Variants in MYO1E observed in about 807,000 individuals in gnomAD.
MYO1E encodes myosin IE.
A neutral mutation model predicts 151.1 loss-of-function variants in MYO1E; 68 were observed. That is an observed-to-expected ratio of 0.45 (90% CI 0.37 to 0.55). The LOEUF (loss-of-function observed/expected upper bound fraction) is 0.55. Among genes scored for constraint, MYO1E ranks in the 20% least tolerant of loss-of-function variants. The pLI, the probability that MYO1E is intolerant of heterozygous loss-of-function variation, is 0.00. For missense variants in MYO1E, 1,363 were observed against 1,389.3 expected, an observed-to-expected ratio of 0.98 and a Z score of 0.30; for synonymous variants, 601 against 501.7, an observed-to-expected ratio of 1.20 and a Z score of -2.64.
Position 59,218,071 on chromosome 15 carries a change from T to G in MYO1E, c.927A>C (p.Ala309=), listed in dbSNP as rs753222111. ...VESEEFLAFP[A]YLLGINQDRL... ...GGTCCTGGTTTATCCCTAGCAGATA[T>G]GCAGGAAAAGCTAAAACTGTAGAAC... Residue 309 remains alanine, a synonymous_variant, in exon 10 of 28, where the codon GCA becomes GCC. Coordinates refer to ENST00000288235, the MANE Select transcript of MYO1E (RefSeq NM_004998.4). 1.2e-6 allele frequency: 2 copies of G among 1,614,204 alleles called. No individual in the cohort carries two copies. Among genetic ancestry groups the G allele is most frequent in the South Asian group, 2.2e-5 (2 of 91,088 alleles).
chr15:59,209,481 G>T (rs1041334844), intron 13 of MYO1E, among the ~76,000 whole-genome samples: 7 of 151,860 alleles, frequency 4.6e-5, no homozygotes, highest in South Asian at 2.1e-4. Context: ...TTCAAGACCA[G>T]CCTGGCCAAC....
chr15:59,302,406 G>A (rs2080488409), intron 1 of MYO1E, among the ~76,000 whole-genome samples: 1 of 152,176 alleles, frequency 6.6e-6, no homozygotes, highest in South Asian at 2.1e-4. Flanking sequence ...GGGTAGACAA[G>A]GCCAGTATTT....
rs143403781 is a variant in MYO1E at position 59,134,516 on chromosome 15, G to A, written c.*2864C>T. On this transcript the variant is annotated 3_prime_UTR_variant, in exon 28 of 28. Transcript: ENST00000288235. ...ATCAGCCTCTCTCTGTCTCACAGAC[G>A]GCCATCAGTAGAGTGGATACCACCC... 2 of 152,294 alleles carry A rather than the reference G, an allele frequency of 1.3e-5. No homozygotes were observed. The highest frequency in any genetic ancestry group is 1.9e-4 in the East Asian group (1 of 5,186). The allele number at this position is 152,294 out of a possible 1,614,324, so 9.4% of individuals were successfully genotyped here.
chr15:59,198,902 T>C (rs2079784487), intron 16 of MYO1E, among the ~76,000 whole-genome samples: 3 of 152,076 alleles, frequency 2.0e-5, no homozygotes, highest in Admixed American at 6.5e-5. Context: ...TCCTCTGTCA[T>C]GTCCCTTATA....
chr15:59,223,287 G>T (rs1313876883), intron 8 of MYO1E, 96 bp from the exon 9 acceptor site: 28 of 1,425,712 alleles, frequency 2.0e-5, no homozygotes, highest in African/African-American at 2.9e-5. Context: ...TCTAAATAAG[G>T]ATGTGACAAG....
chr15:59,188,122 G>A lies in MYO1E; in HGVS notation c.1900C>T (p.Gln634Ter). Residue 634 changes from glutamine (Q) to a stop codon, truncating the protein, a stop_gained, in exon 18 of 28, where the codon CAG becomes TAG. Coordinates refer to ENST00000288235, the MANE Select transcript of MYO1E (RefSeq NM_004998.4). LOFTEE classifies it high-confidence loss of function. ...AYRRIFQKFL[Q>*]RYAILTKATW... The stretch of plus-strand genomic sequence containing the variant: ...CCAGAGTCACTAGTTCATTACCTCT[G>A]TAGGAATTTTTGGAAGATGCGCCGA... 1 of 1,611,896 alleles carries A rather than the reference G, an allele frequency of 6.2e-7. No individual in the cohort carries two copies.
chr15:59,156,128 C>T (rs1402725639), intron 25 of MYO1E, among the ~76,000 whole-genome samples: 3 of 152,188 alleles, frequency 2.0e-5, no homozygotes, highest in African/African-American at 7.2e-5. Context: ...TCCTGAGTAG[C>T]TGGGATTCCA....
intron 1 of MYO1E, among the ~76,000 whole-genome samples, chr15:59,329,432 C>A (rs188152306): frequency 3.9e-5 from 6 of 152,176 alleles, no homozygotes; most frequent in Non-Finnish European, 7.3e-5. Context: ...TACCCAATAG[C>A]AATCCTAAAT....
intron 17 of MYO1E, among the ~76,000 whole-genome samples, chr15:59,193,749 G>C (rs527783093): frequency 6.6e-6 from 1 of 152,298 alleles, no homozygotes; most frequent in South Asian, 2.1e-4. Flanking sequence ...CCTAAAGTAA[G>C]AATTGACCAA....
chr15:59,147,868 C>T lies in MYO1E; in HGVS notation c.3080+5722G>A, dbSNP rs1038667275. 7.2e-4 allele frequency among the ~76,000 whole-genome samples: 110 copies of T among 152,124 alleles called. 1 individual carries two copies. Among genetic ancestry groups the T allele is most frequent in the African/African-American group, 2.6e-3 (108 of 41,500 alleles). On this transcript the variant is annotated intron_variant, in intron 26 of 27. Transcript: ENST00000288235. ...TTGGCTTCCCTAGGCTGCCCATTCC[C>T]CGCATTACAGCCAACAATGCCTGAA...
chr15:59,180,479 T>C (rs2079651781), intron 18 of MYO1E, among the ~76,000 whole-genome samples: 1 of 152,110 alleles, frequency 6.6e-6, no homozygotes, highest in South Asian at 2.1e-4. Flanking sequence ...ATATTTATCG[T>C]GCAACTGGAA....
chr15:59,356,684 C>T (rs894094706), intron 1 of MYO1E, among the ~76,000 whole-genome samples: 2 of 145,414 alleles, frequency 1.4e-5, no homozygotes, highest in African/African-American at 4.9e-5. Flanking sequence ...CTCCAGCAAT[C>T]CTCCCACATA....
At chr15:59,189,967 C>A (rs535203599) in intron 17 of MYO1E, among the ~76,000 whole-genome samples, 1 of 152,182 alleles carries the variant, frequency 6.6e-6, no homozygotes, top group Non-Finnish European at 1.5e-5. Flanking sequence ...CTTGGGGATG[C>A]TGATTTAGTA....
At chr15:59,254,950 T>C (rs1476010084) in intron 4 of MYO1E, among the ~76,000 whole-genome samples, 1 of 152,070 alleles carries the variant, frequency 6.6e-6, no homozygotes, top group Non-Finnish European at 1.5e-5. Flanking sequence ...CTCAGCCTCC[T>C]GAGTATCTGG....
chr15:59,283,847 A>G (rs1403985966), intron 1 of MYO1E, among the ~76,000 whole-genome samples: 1 of 152,228 alleles, frequency 6.6e-6, no homozygotes, highest in South Asian at 2.1e-4. Context: ...GGAAACAGCA[A>G]TAATTCTAAA....
intron 24 of MYO1E, among the ~76,000 whole-genome samples, chr15:59,160,402 ATCT>A (rs1252956088): frequency 6.4e-5 from 7 of 109,094 alleles, no homozygotes; most frequent in Non-Finnish European, 1.2e-4. Context: ...TTTCTTTTTC[ATCT>A]TCTTTTTTTT....
chr15:59,292,118 G>A (rs959425705), intron 1 of MYO1E, among the ~76,000 whole-genome samples: 4 of 152,168 alleles, frequency 2.6e-5, no homozygotes, highest in African/African-American at 9.7e-5. Flanking sequence ...TTTGTTTGGT[G>A]AGTGGATTTG....
rs139031069 is a variant in MYO1E at position 59,346,532 on chromosome 15, C to T, written c.3+25966G>A. 9.2e-4 allele frequency among the ~76,000 whole-genome samples: 140 copies of T among 152,176 alleles called. 1 individual carries two copies. Among genetic ancestry groups the T allele is most frequent in the African/African-American group, 3.3e-3 (135 of 41,526 alleles). ...CATGATATCCATTAAATTATAAGAA[C>T]TATGGATAAAATTATTAATATTTTC... On this transcript the variant is annotated intron_variant, in intron 1 of 27. Transcript: ENST00000288235.
At chr15:59,152,249 A>G (rs1249189641) in intron 26 of MYO1E, among the ~76,000 whole-genome samples, 8 of 152,192 alleles carry the variant, frequency 5.3e-5, no homozygotes. Flanking sequence ...ACCAACCAAC[A>G]AACAAAAAGG....
Sources: gnomAD v4.1 joint callset for allele counts (sites outside exome capture counted in the v4.1 genomes callset) on GRCh38, gnomAD v4.1.1 for gene constraint, MANE v1.5 for transcripts, NCBI Gene and HGNC (gene_info 2026-07-23, HGNC 2026-07-21) for gene names.